WWOX: variants seen among roughly 807,000 people sequenced by gnomAD.
The protein encoded by WWOX is WW domain containing oxidoreductase, also known as WW domain-containing oxidoreductase.
A neutral mutation model predicts 46.2 loss-of-function variants in WWOX; 69 were observed. The ratio of observed to expected loss-of-function variants is 1.49; its 90% CI spans 1.23 to 1.82. The LOEUF is 1.82. Ranked by LOEUF, WWOX falls within the 40% of genes most tolerant of loss-of-function variation. WWOX has a pLI of 0.00. For missense variants in WWOX, 919 were observed against 542.6 expected (o/e 1.69, Z -6.89); for synonymous variants, 359 against 202.6 (o/e 1.77, Z -6.56).
intron 8 of WWOX, among the ~76,000 whole-genome samples, chr16:78,718,623 C>T (rs995674395): frequency 1.3e-5 from 2 of 151,870 alleles, no homozygotes; most frequent in Non-Finnish European, 2.9e-5. Context: ...TGGGAGGATC[C>T]CTTGAGCCCA....
At chr16:78,595,244 G>A (rs765949072) in intron 8 of WWOX, among the ~76,000 whole-genome samples, 15 of 152,116 alleles carry the variant, frequency 9.9e-5, no homozygotes, top group African/African-American at 1.7e-4. Flanking sequence ...TTTAGCAGTC[G>A]TGGGACTAGG....
At chr16:78,144,626 A>G (rs1331923463) in intron 4 of WWOX, among the ~76,000 whole-genome samples, 2 of 147,366 alleles carry the variant, frequency 1.4e-5, no homozygotes, top group African/African-American at 5.0e-5. Flanking sequence ...GGTTCAAGCA[A>G]TTCTCCTGCC....
intron 8 of WWOX, among the ~76,000 whole-genome samples, chr16:79,162,405 C>T (rs1188621777): frequency 6.6e-6 from 1 of 152,162 alleles, no homozygotes; most frequent in African/African-American, 2.4e-5. Flanking sequence ...TCCCTGGTTG[C>T]CTGATTCAAG....
intron 8 of WWOX, among the ~76,000 whole-genome samples, chr16:78,776,403 C>T (rs987675853): frequency 2.0e-5 from 3 of 152,006 alleles, no homozygotes; most frequent in Admixed American, 1.3e-4. Flanking sequence ...CCTGGGTCAA[C>T]TCATACCTAC....
intron 5 of WWOX, among the ~76,000 whole-genome samples, chr16:78,250,054 G>T (rs892592993): frequency 6.6e-6 from 1 of 152,196 alleles, no homozygotes; most frequent in Non-Finnish European, 1.5e-5. Context: ...TGGAGGGACA[G>T]ACCTGGCCTT....
At chr16:78,867,484 T>TGTG (rs1555553512) in intron 8 of WWOX, among the ~76,000 whole-genome samples, 1 of 148,886 alleles carries the variant, frequency 6.7e-6, no homozygotes, top group African/African-American at 2.5e-5. Context: ...TTAAATGATT[T>TGTG]TGTGTGTGTG....
In WWOX at chr16:79,143,477, G is replaced by A. The variant is rs1473207068; in HGVS notation, c.1057-68131G>A. On this transcript the variant is annotated intron_variant, in intron 8 of 8. Transcript: ENST00000566780. The stretch of plus-strand genomic sequence containing the variant: ...TGTGGCTCGGCTAAGTGGATTCTTC[G>A]ACTTTAATAGATTTTACTAGCTAGG... 5.3e-5 allele frequency among the ~76,000 whole-genome samples: 8 copies of A among 152,214 alleles called. No homozygotes were observed. In the East Asian group the frequency reaches 1.5e-3, roughly 29 times the overall value.
intron 8 of WWOX, among the ~76,000 whole-genome samples, chr16:78,971,408 T>G (rs1386249001): frequency 7.5e-6 from 1 of 132,944 alleles, no homozygotes; most frequent in Non-Finnish European, 1.5e-5. Flanking sequence ...TGAGCCAAGG[T>G]CACGCCACTG....
intron 6 of WWOX, among the ~76,000 whole-genome samples, chr16:78,401,101 T>C (rs2082402362): frequency 6.6e-6 from 1 of 152,230 alleles, no homozygotes; most frequent in Non-Finnish European, 1.5e-5. Context: ...ATTACAGGCA[T>C]GAGCCATGTC....
chr16:78,101,421 A>T (rs981254249), intron 1 of WWOX, among the ~76,000 whole-genome samples: 3 of 136,104 alleles, frequency 2.2e-5, no homozygotes, highest in Admixed American at 8.5e-5. Context: ...ATCTCGGTTC[A>T]CTGCAACCTC....
intron 8 of WWOX, among the ~76,000 whole-genome samples, chr16:78,927,451 T>C (rs1285375096): frequency 1.3e-5 from 2 of 152,226 alleles, no homozygotes; most frequent in Non-Finnish European, 2.9e-5. Context: ...GTAAATTCTC[T>C]GTGGGTAAAA....
At chr16:79,177,019 A>G (rs910290612) in intron 8 of WWOX, among the ~76,000 whole-genome samples, 1 of 152,260 alleles carries the variant, frequency 6.6e-6, no homozygotes, top group Non-Finnish European at 1.5e-5. Context: ...GTCTTAGCAT[A>G]TGTTGCTTTT....
At chr16:78,290,145 C>T (rs9921980) in intron 5 of WWOX, among the ~76,000 whole-genome samples, 57,810 of 151,950 alleles carry the variant, frequency 0.38, 11,460 homozygotes, top group East Asian at 0.58. Context: ...TGCATTGCTA[C>T]TTGGGGTTTC....
chr16:78,858,875 C>T lies in WWOX; in HGVS notation c.1057-352733C>T, dbSNP rs369061263. On this transcript the variant is annotated intron_variant, in intron 8 of 8. Coordinates refer to ENST00000566780, the MANE Select transcript of WWOX (RefSeq NM_016373.4). ...TTGAACTTTTTTGTAGTTGGGGTCTCACCATGTTGCCCAGGCTGGTCTTGA... is the reference window on the plus strand; with the variant it reads ...TTGAACTTTTTTGTAGTTGGGGTCTTACCATGTTGCCCAGGCTGGTCTTGA... 2.4e-4 allele frequency among the ~76,000 whole-genome samples: 36 copies of T among 150,850 alleles called. No homozygotes were observed. The East Asian group carries it at 4.9e-3, about 21-fold the overall frequency.
At chr16:78,473,417 G>T (rs528010317) in intron 8 of WWOX, among the ~76,000 whole-genome samples, 2 of 146,434 alleles carry the variant, frequency 1.4e-5, no homozygotes, top group African/African-American at 5.3e-5. Flanking sequence ...GACATGAGCC[G>T]ACCTTTTTAT....
intron 8 of WWOX, among the ~76,000 whole-genome samples, chr16:79,114,231 G>A (rs577761840): frequency 6.6e-6 from 1 of 152,102 alleles, no homozygotes; most frequent in South Asian, 2.1e-4. Flanking sequence ...TGTTACCTGT[G>A]AATGTAACCT....
intron 5 of WWOX, among the ~76,000 whole-genome samples, chr16:78,202,147 C>T (rs1465678127): frequency 6.6e-6 from 1 of 152,172 alleles, no homozygotes; most frequent in African/African-American, 2.4e-5. Flanking sequence ...TGACATGGCT[C>T]CTGTACTCCC....
At chr16:78,521,310 G>C (rs1448905171) in intron 8 of WWOX, among the ~76,000 whole-genome samples, 3 of 152,084 alleles carry the variant, frequency 2.0e-5, no homozygotes, top group African/African-American at 2.4e-5. Context: ...TCCCACCTCA[G>C]CCTCCCAAAG....
chr16:78,184,727 A>G lies in WWOX; in HGVS notation c.516+20438A>G, dbSNP rs188333880. Among the ~76,000 whole-genome samples, 14 of 152,278 alleles carry G rather than the reference A, an allele frequency of 9.2e-5. No individual in the cohort carries two copies. In the East Asian group the frequency reaches 2.3e-3, roughly 25 times the overall value. On this transcript the variant is annotated intron_variant, in intron 5 of 8. Coordinates refer to ENST00000566780, the MANE Select transcript of WWOX (RefSeq NM_016373.4). ...TACAGTTTTTATGGTCGGTAATGCA[A>G]CCACCGTAAAAGCAAGTCTGGGTTA...
Sources: gnomAD v4.1 joint callset for allele counts (sites outside exome capture counted in the v4.1 genomes callset) on GRCh38, gnomAD v4.1.1 for gene constraint, MANE v1.5 for transcripts, NCBI Gene and HGNC (gene_info 2026-07-23, HGNC 2026-07-21) for gene names.